Variants in DOK5 observed in about 807,000 individuals in gnomAD.
DOK5 encodes downstream of tyrosine kinase 5.
A neutral mutation model predicts 43.3 loss-of-function variants in DOK5; 27 were observed. The ratio of observed to expected loss-of-function variants is 0.62; its 90% CI spans 0.46 to 0.86. The LOEUF (loss-of-function observed/expected upper bound fraction) is 0.86. Among genes scored for constraint, DOK5 ranks in the 40% least tolerant of loss-of-function variants. The probability of loss-of-function intolerance (pLI) is 0.00; values close to 1 mark genes in which losing one functional copy is unlikely to be tolerated. For missense variants in DOK5, 373 were observed against 392.9 expected, an observed-to-expected ratio of 0.95 and a Z score of 0.43; for synonymous variants, 146 against 140.1, an observed-to-expected ratio of 1.04 and a Z score of -0.30.
intron 6 of DOK5, among the ~76,000 whole-genome samples, chr20:54,621,048 A>G (rs780743094): frequency 1.3e-5 from 2 of 152,254 alleles, no homozygotes; most frequent in Non-Finnish European, 2.9e-5. Flanking sequence ...AGAGTCATAT[A>G]TAATCATATC....
At chr20:54,579,774 T>C (rs563260784) in intron 2 of DOK5, among the ~76,000 whole-genome samples, 145 of 152,282 alleles carry the variant, frequency 9.5e-4, no homozygotes, top group Non-Finnish European at 1.5e-3. Context: ...GGTATATGTA[T>C]ACATTTTCTT....
intron 6 of DOK5, among the ~76,000 whole-genome samples, chr20:54,620,386 C>T (rs6123400): frequency 6.6e-6 from 1 of 152,108 alleles, no homozygotes; most frequent in African/African-American, 2.4e-5. Context: ...TTACAGGCAC[C>T]TGCCACCATG....
intron 1 of DOK5, chr20:54,476,333 G>C (rs1342397540): frequency 1.6e-6 from 1 of 636,010 alleles, no homozygotes; most frequent in Non-Finnish European, 2.0e-6. Context: ...GCCCGGGCGG[G>C]GGTGCCTGCC....
intron 1 of DOK5, among the ~76,000 whole-genome samples, chr20:54,480,991 C>CA (rs1555822343): frequency 2.1e-5 from 3 of 143,162 alleles, no homozygotes; most frequent in Non-Finnish European, 4.5e-5. Context: ...TATCATCTAT[C>CA]ATCTATCTAT....
At chr20:54,616,799 T>TG (rs1253981780) in intron 6 of DOK5, among the ~76,000 whole-genome samples, 5 of 146,322 alleles carry the variant, frequency 3.4e-5, no homozygotes, top group African/African-American at 5.1e-5. Context: ...TTTTTTTTTT[T>TG]TGTGTAGAGA....
Position 54,646,248 on chromosome 20 carries a change from G to GTTTTTTTTTTTTTTTTTTTTTTTTTTTTT in DOK5, c.856+2694_856+2695insTTTTTTTTTTTTTTTTTTTTTTTTTTTTT, listed in dbSNP as rs386394048. On this transcript the variant is annotated intron_variant, in intron 7 of 7. Coordinates refer to ENST00000262593, the MANE Select transcript of DOK5 (RefSeq NM_018431.5). The stretch of plus-strand genomic sequence containing the variant: ...TACTGTTATATCCACTGGTTATACT[G>GTTTTTTTTTTTTTTTTTTTTTTTTTTTTT]TTTTTTTTTTTTTTTTTTTTTTTTG... 2.0e-4 allele frequency among the ~76,000 whole-genome samples: 16 copies of GTTTTTTTTTTTTTTTTTTTTTTTTTTTTT among 79,930 alleles called. 4 individuals are homozygous for GTTTTTTTTTTTTTTTTTTTTTTTTTTTTT. The highest frequency in any genetic ancestry group is 6.0e-4 in the Admixed American group (3 of 5,016). The allele number at this position is 79,930 out of a possible 152,430, so 52.4% of individuals were successfully genotyped here. A position where few individuals can be genotyped will look rare whatever the true frequency, so the allele number is the denominator to read the frequency against.
At chr20:54,634,880 A>T (rs1442416368) in intron 6 of DOK5, among the ~76,000 whole-genome samples, 1 of 152,130 alleles carries the variant, frequency 6.6e-6, no homozygotes, top group Non-Finnish European at 1.5e-5. Context: ...GGTTTGTGAA[A>T]CTATCACAAT....
chr20:54,583,039 C>T (rs1226202185), intron 2 of DOK5, among the ~76,000 whole-genome samples: 2 of 152,050 alleles, frequency 1.3e-5, no homozygotes, highest in African/African-American at 4.8e-5. Flanking sequence ...GCTTTTGCTA[C>T]CTCACACAAA....
intron 1 of DOK5, among the ~76,000 whole-genome samples, chr20:54,542,099 T>TAC (rs59020714): frequency 0.072 from 8,732 of 121,946 alleles, 283 homozygotes; most frequent in East Asian, 0.11. Context: ...TATTATAAGA[T>TAC]ACACACACAC....
At chr20:54,565,540 G>C (rs1324516015) in intron 2 of DOK5, among the ~76,000 whole-genome samples, 1 of 152,208 alleles carries the variant, frequency 6.6e-6, no homozygotes, top group African/African-American at 2.4e-5. Context: ...TGAGGTGGGA[G>C]GATCACTTGA....
intron 5 of DOK5, among the ~76,000 whole-genome samples, chr20:54,592,054 A>C (rs6098099): frequency 0.064 from 9,789 of 152,298 alleles, 350 homozygotes; most frequent in Middle Eastern, 0.095. Context: ...TTCATTACAC[A>C]GTTTGATTCC....
intron 6 of DOK5, among the ~76,000 whole-genome samples, chr20:54,633,631 C>T (rs927761853): frequency 2.6e-5 from 4 of 152,150 alleles, no homozygotes; most frequent in South Asian, 2.1e-4. Context: ...TTTATTCAGT[C>T]GCTTTAGGGC....
intron 1 of DOK5, among the ~76,000 whole-genome samples, chr20:54,504,803 A>G (rs542678716): frequency 6.6e-6 from 1 of 152,322 alleles, no homozygotes; most frequent in Non-Finnish European, 1.5e-5. Context: ...GTGTGCATCA[A>G]AGGCTTGTTG....
chr20:54,599,384 AT>A (rs1157210382), intron 5 of DOK5, among the ~76,000 whole-genome samples: 1 of 152,276 alleles, frequency 6.6e-6, no homozygotes, highest in East Asian at 1.9e-4. Context: ...CACATTATAA[AT>A]ATTCCAATAG....
chr20:54,645,526 G>T (rs1271211389), intron 7 of DOK5, among the ~76,000 whole-genome samples: 1 of 151,884 alleles, frequency 6.6e-6, no homozygotes, highest in Non-Finnish European at 1.5e-5. Flanking sequence ...TGTATGCTGC[G>T]CCCGTCCCTC....
At chr20:54,629,848 CT>C (rs1978480976) in intron 6 of DOK5, among the ~76,000 whole-genome samples, 1 of 152,202 alleles carries the variant, frequency 6.6e-6, no homozygotes, top group Admixed American at 6.5e-5. Flanking sequence ...GCCCAGGAGC[CT>C]TTAAGTGCCA....
At chr20:54,600,263 G>A (rs1261660663) in intron 5 of DOK5, among the ~76,000 whole-genome samples, 2 of 152,154 alleles carry the variant, frequency 1.3e-5, no homozygotes, top group Non-Finnish European at 2.9e-5. Context: ...AGGTGGTTGT[G>A]AAGAATTTGG....
intron 6 of DOK5, among the ~76,000 whole-genome samples, chr20:54,615,895 A>G (rs1403246071): frequency 1.7e-5 from 2 of 115,072 alleles, no homozygotes; most frequent in Admixed American, 1.7e-4. Context: ...GCGAGACTCC[A>G]TCTCAAAAAA....
chr20:54,561,429 C>T (rs1000578646), intron 2 of DOK5, among the ~76,000 whole-genome samples: 5 of 152,158 alleles, frequency 3.3e-5, no homozygotes, highest in South Asian at 2.1e-4. Flanking sequence ...TACCCTTCTT[C>T]GTCTCTTGTT....
Sources: gnomAD v4.1 joint callset for allele counts (sites outside exome capture counted in the v4.1 genomes callset) on GRCh38, gnomAD v4.1.1 for gene constraint, MANE v1.5 for transcripts, NCBI Gene and HGNC (gene_info 2026-07-23, HGNC 2026-07-21) for gene names.